The following SDHAF3 variants were observed in gnomAD, a reference collection of about 807,000 sequenced individuals.
The protein encoded by SDHAF3 is succinate dehydrogenase complex assembly factor 3, also known as succinate dehydrogenase assembly factor 3, mitochondrial.
SDHAF3 carries 18 observed loss-of-function variants against 11.5 expected under a neutral mutation model. The observed-to-expected ratio is 1.56, with a 90% CI of 1.08 to 2.32. The LOEUF is 2.32. SDHAF3 is among the 30% of genes most tolerant of loss of function. The probability of loss-of-function intolerance (pLI) is 0.00; values close to 1 mark genes in which losing one functional copy is unlikely to be tolerated. For synonymous variants in SDHAF3, 72 were observed against 59.3 expected (o/e 1.21, Z -0.99); for missense variants, 200 against 154.4 (o/e 1.30, Z -1.57).
intron 1 of SDHAF3, among the ~76,000 whole-genome samples, chr7:97,149,008 C>A (rs1203226838): frequency 6.6e-6 from 1 of 151,436 alleles, no homozygotes; most frequent in African/African-American, 2.4e-5. Context: ...TGGCTCACTG[C>A]AGCCTCAACT....
At chr7:97,130,773 G>A (rs1398673111) in intron 1 of SDHAF3, among the ~76,000 whole-genome samples, 1 of 152,232 alleles carries the variant, frequency 6.6e-6, no homozygotes, top group Non-Finnish European at 1.5e-5. Flanking sequence ...CACACAAGAG[G>A]GGACCTGAAG....
chr7:97,140,734 G>T (rs909571902), intron 1 of SDHAF3, among the ~76,000 whole-genome samples: 3 of 151,984 alleles, frequency 2.0e-5, no homozygotes, highest in Admixed American at 6.6e-5. Context: ...CGTCATCTTC[G>T]CAAGCTGAGG....
chr7:97,137,819 A>G (rs1028709535), intron 1 of SDHAF3, among the ~76,000 whole-genome samples: 4 of 147,424 alleles, frequency 2.7e-5, no homozygotes, highest in Admixed American at 6.8e-5. Context: ...ATCTACCAAT[A>G]TATCTACCAT....
At position 97,181,275 on chromosome 7, in the gene SDHAF3, T is replaced by C. The variant is rs1562834055; in HGVS notation, c.*60T>C. 7.8e-7 allele frequency: 1 copy of C among 1,290,150 alleles called. No individual in the cohort carries two copies. The highest frequency in any genetic ancestry group is 1.4e-5 in the South Asian group (1 of 70,250). 79.9% of individuals were successfully genotyped at this position (1,290,150 alleles called of 1,614,324 possible). ...TTTAGAACCCCTACTTTAACTGTCA[T>C]TGGTTTTTGAAATATATTTAAGCTT... On this transcript the variant is annotated 3_prime_UTR_variant, in exon 2 of 2. Transcript: ENST00000432641.
At chr7:97,144,046 G>T (rs530990138) in intron 1 of SDHAF3, among the ~76,000 whole-genome samples, 2 of 152,044 alleles carry the variant, frequency 1.3e-5, no homozygotes, top group African/African-American at 2.4e-5. Context: ...GAGCAAGATG[G>T]TATCACATTG....
chr7:97,158,324 C>T (rs1369688562), intron 1 of SDHAF3, among the ~76,000 whole-genome samples: 2 of 151,940 alleles, frequency 1.3e-5, no homozygotes, highest in African/African-American at 4.8e-5. Flanking sequence ...CTTAGTTTCC[C>T]CGTGTTTTTG....
intron 1 of SDHAF3, among the ~76,000 whole-genome samples, chr7:97,145,835 G>A (rs1789125431): frequency 6.6e-6 from 1 of 152,036 alleles, no homozygotes; most frequent in South Asian, 2.1e-4. Context: ...CTGCTCTATA[G>A]CCTGATGATT....
intron 1 of SDHAF3, among the ~76,000 whole-genome samples, chr7:97,179,787 G>A (rs1789742621): frequency 6.6e-6 from 1 of 151,930 alleles, no homozygotes; most frequent in Non-Finnish European, 1.5e-5. Context: ...TATAGAAGTG[G>A]AATTGATAAA....
At chr7:97,142,042 C>CTTTTTTTTTTTTTTTTTTTTTTTT (rs71131003) in intron 1 of SDHAF3, among the ~76,000 whole-genome samples, 1 of 61,680 alleles carries the variant, frequency 1.6e-5, no homozygotes, top group African/African-American at 6.3e-5. Flanking sequence ...GAATTGTTGT[C>CTTTTTTTTTTTTTTTTTTTTTTTT]TTTTTTTTTT....
chr7:97,134,653 G>A (rs1030726485), intron 1 of SDHAF3, among the ~76,000 whole-genome samples: 30 of 152,132 alleles, frequency 2.0e-4, no homozygotes, highest in African/African-American at 7.2e-4. Flanking sequence ...CAGTATGTTG[G>A]CCAGGCTGGT....
chr7:97,161,412 G>A (rs1269056189), intron 1 of SDHAF3, among the ~76,000 whole-genome samples: 1 of 152,168 alleles, frequency 6.6e-6, no homozygotes, highest in Non-Finnish European at 1.5e-5. Context: ...GATTACAACA[G>A]TAAGTTTCTC....
At chr7:97,162,566 T>A (rs1454987943) in intron 1 of SDHAF3, among the ~76,000 whole-genome samples, 3 of 152,202 alleles carry the variant, frequency 2.0e-5, no homozygotes, top group Admixed American at 1.3e-4. Flanking sequence ...TTTAAATGTG[T>A]CCCAGAGATT....
At position 97,117,716 on chromosome 7, in the gene SDHAF3, G is replaced by T; in HGVS notation, c.-8G>T. The T allele has an allele frequency of 6.2e-7, 1 of 1,609,470 alleles. No homozygotes were observed. Among genetic ancestry groups the T allele is most frequent in the Non-Finnish European group, 8.5e-7 (1 of 1,177,636 alleles). ...CGCAGGCGCAGTCGGCGGTCGGCGT[G>T]GGGCGCTATGCCGGGGCGGCACGTT... On this transcript the variant is annotated 5_prime_UTR_variant, in exon 1 of 2. Transcript: ENST00000432641.
intron 1 of SDHAF3, among the ~76,000 whole-genome samples, chr7:97,174,753 G>T (rs531101588): frequency 1.3e-5 from 2 of 152,132 alleles, no homozygotes; most frequent in Admixed American, 6.5e-5. Flanking sequence ...CCTAATTATC[G>T]GGAGGTACAT....
At chr7:97,119,507 CAGT>C (rs1367271419) in intron 1 of SDHAF3, among the ~76,000 whole-genome samples, 1 of 152,164 alleles carries the variant, frequency 6.6e-6, no homozygotes, top group Admixed American at 6.5e-5. Flanking sequence ...GTTAGAAAGA[CAGT>C]AGAGAGTTCC....
At chr7:97,117,993 GCAAC>G in intron 1 of SDHAF3, 96 bp downstream of exon 1, 1 of 1,432,502 alleles carries the variant, frequency 7.0e-7, no homozygotes, top group Non-Finnish European at 9.5e-7. Context: ...AAACAGAGCA[GCAAC>G]CTGTTCTGTT....
At chr7:97,180,981 C>A (rs770053546) in intron 1 of SDHAF3, 31 bp from the exon 2 acceptor site, 2 of 1,554,178 alleles carry the variant, frequency 1.3e-6, no homozygotes, top group East Asian at 4.5e-5. Context: ...TTAAACTTTA[C>A]ATCTATAACC....
intron 1 of SDHAF3, among the ~76,000 whole-genome samples, chr7:97,177,997 T>C (rs1789710203): frequency 6.6e-6 from 1 of 152,202 alleles, no homozygotes; most frequent in South Asian, 2.1e-4. Context: ...TGATACATTG[T>C]AGAGACATTA....
intron 1 of SDHAF3, among the ~76,000 whole-genome samples, chr7:97,149,020 C>T (rs1215039413): frequency 6.6e-6 from 1 of 151,434 alleles, no homozygotes; most frequent in Admixed American, 6.6e-5. Context: ...GCCTCAACTT[C>T]CCAGGCCAAA....
Sources: gnomAD v4.1 joint callset for allele counts (sites outside exome capture counted in the v4.1 genomes callset) on GRCh38, gnomAD v4.1.1 for gene constraint, MANE v1.5 for transcripts, NCBI Gene and HGNC (gene_info 2026-07-23, HGNC 2026-07-21) for gene names.